Variants in LDLRAD4 observed in about 807,000 individuals in gnomAD.
The protein encoded by LDLRAD4 is low density lipoprotein receptor class A domain containing 4.
In LDLRAD4, 5 loss-of-function variants were observed where a neutral mutation model predicts 17.0. The observed-to-expected ratio is 0.29, with a 90% CI of 0.15 to 0.62. The LOEUF is 0.62. Ranked by LOEUF, LDLRAD4 falls within the 20% of genes least tolerant of loss-of-function variation. The pLI is 0.84. For synonymous variants in LDLRAD4, 168 were observed against 171.8 expected, an observed-to-expected ratio of 0.98 and a Z score of 0.17; for missense variants, 340 against 424.7, an observed-to-expected ratio of 0.80 and a Z score of 1.75.
At position 13,303,459 on chromosome 18, in the gene LDLRAD4, CG is replaced by C. The variant is rs939261395; in HGVS notation, c.-383+25272del. 1.1e-4 allele frequency among the ~76,000 whole-genome samples: 17 copies of C among 152,102 alleles called. No individual in the cohort carries two copies. In the South Asian group the frequency reaches 2.7e-3, roughly 24 times the overall value. ...CTCTCGCTCTTTCTCTCTCTCTCCC[CG>C]TTTCCTTCCCTGCCCTCCTTCTCTC... On this transcript the variant is annotated intron_variant, in intron 1 of 5. Coordinates refer to ENST00000359446, the Ensembl canonical transcript of LDLRAD4.
At chr18:13,416,393 A>G (rs2088894073) in intron 2 of LDLRAD4, among the ~76,000 whole-genome samples, 1 of 152,128 alleles carries the variant, frequency 6.6e-6, no homozygotes, top group South Asian at 2.1e-4. Flanking sequence ...TCCTTTTCCA[A>G]CAATAACAGG....
chr18:13,523,094 G>A (rs1179973510), intron 3 of LDLRAD4, among the ~76,000 whole-genome samples: 1 of 152,168 alleles, frequency 6.6e-6, no homozygotes, highest in Admixed American at 6.5e-5. Flanking sequence ...TGCCCCCACT[G>A]TGTGCGAGGC....
chr18:13,566,169 G>A (rs1006787306), intron 3 of LDLRAD4, among the ~76,000 whole-genome samples: 4 of 152,170 alleles, frequency 2.6e-5, no homozygotes, highest in Non-Finnish European at 5.9e-5. Context: ...CAAGACTAAC[G>A]GGCAGCCAAT....
rs1225644875 is a variant in LDLRAD4, at chr18:13,621,533, G to A, written c.336+262G>A. Among the ~76,000 whole-genome samples the A allele has an allele frequency of 1.3e-5, 2 of 152,214 alleles. No homozygotes were observed. Among genetic ancestry groups the A allele is most frequent in the South Asian group, 2.1e-4 (1 of 4,832 alleles). On this transcript the variant is annotated intron_variant, in intron 4 of 5. Transcript: ENST00000359446. The surrounding 1 kb of genome is among the most constrained non-coding windows in gnomAD (Gnocchi z 5.5). ...CTCCCCTGGATCTTTGCTGCCCGAC[G>A]TGGCTTTGCCAGCTTCTGAGCTGTG...
At chr18:13,589,419 A>G (rs986777028) in intron 3 of LDLRAD4, among the ~76,000 whole-genome samples, 1 of 152,154 alleles carries the variant, frequency 6.6e-6, no homozygotes, top group Non-Finnish European at 1.5e-5. Flanking sequence ...TTCGTTTGCA[A>G]ATCCTCCGTG....
At chr18:13,467,250 C>T (rs971289842) in intron 3 of LDLRAD4, among the ~76,000 whole-genome samples, 1 of 152,092 alleles carries the variant, frequency 6.6e-6, no homozygotes, top group African/African-American at 2.4e-5. Flanking sequence ...AGAGTATCTC[C>T]GAGATGCCAC....
chr18:13,441,960 GT>G (rs935411340), intron 3 of LDLRAD4, among the ~76,000 whole-genome samples: 1 of 152,174 alleles, frequency 6.6e-6, no homozygotes, highest in Admixed American at 6.5e-5. Flanking sequence ...TGGGGAATGA[GT>G]TTTCCTGGCT....
intron 3 of LDLRAD4, among the ~76,000 whole-genome samples, chr18:13,556,112 C>T (rs1346797742): frequency 6.6e-6 from 1 of 152,156 alleles, no homozygotes; most frequent in Non-Finnish European, 1.5e-5. Context: ...TCTACAGCTT[C>T]AGTGTATGTT....
intron 2 of LDLRAD4, among the ~76,000 whole-genome samples, chr18:13,407,686 G>A (rs1025216201): frequency 1.3e-5 from 2 of 152,230 alleles, no homozygotes; most frequent in African/African-American, 2.4e-5. Flanking sequence ...AATGGTGGGC[G>A]TGGACCTGGC....
chr18:13,635,968 T>TGTGTGTGTGTGTGTGA (rs1344178358), intron 4 of LDLRAD4, among the ~76,000 whole-genome samples: 187 of 147,948 alleles, frequency 1.3e-3, no homozygotes, highest in African/African-American at 4.5e-3. Context: ...TGTGTGTGTG[T>TGTGTGTGTGTGTGTGA]GATTGTGCCT....
At chr18:13,336,189 T>G (rs1272129652) in intron 1 of LDLRAD4, among the ~76,000 whole-genome samples, 1 of 152,204 alleles carries the variant, frequency 6.6e-6, no homozygotes, top group African/African-American at 2.4e-5. Context: ...AATCTATTCA[T>G]GAGATTCCAA....
chr18:13,247,808 G>T (rs186866806), intron 1 of LDLRAD4, among the ~76,000 whole-genome samples: 4 of 151,998 alleles, frequency 2.6e-5, no homozygotes, highest in African/African-American at 9.7e-5. Context: ...AGCTTTCCCC[G>T]ATTTCTGCCA....
chr18:13,515,202 G>A (rs1221541500), intron 3 of LDLRAD4: 1 of 152,200 alleles, frequency 6.6e-6, no homozygotes, highest in East Asian at 1.9e-4. Context: ...GCACAACACT[G>A]GCGTGCATTC....
chr18:13,470,395 T>C (rs1038425928), intron 3 of LDLRAD4, among the ~76,000 whole-genome samples: 1 of 151,868 alleles, frequency 6.6e-6, no homozygotes, highest in African/African-American at 2.4e-5. Context: ...AAAATCATAC[T>C]GTCAGGTTGA....
chr18:13,270,992 C>T (rs895160004), intron 1 of LDLRAD4, among the ~76,000 whole-genome samples: 2 of 152,042 alleles, frequency 1.3e-5, no homozygotes, highest in African/African-American at 2.4e-5. Context: ...TGTGAAAGTA[C>T]ACAGTGACTA....
intron 3 of LDLRAD4, among the ~76,000 whole-genome samples, chr18:13,600,338 C>G (rs575736451): frequency 9.5e-4 from 144 of 152,230 alleles, no homozygotes; most frequent in Admixed American, 1.4e-3. Flanking sequence ...AGGACTTGGA[C>G]TGAAGTGTGC....
At chr18:13,582,370 G>A (rs987861141) in intron 3 of LDLRAD4, among the ~76,000 whole-genome samples, 1 of 152,272 alleles carries the variant, frequency 6.6e-6, no homozygotes, top group African/African-American at 2.4e-5. Flanking sequence ...CATGGTAGCT[G>A]CGCCATCAAT....
Position 13,452,647 on chromosome 18 carries a change from C to A in LDLRAD4, c.181+14263C>A, listed in dbSNP as rs541447757. 4.1e-4 allele frequency among the ~76,000 whole-genome samples: 62 copies of A among 152,298 alleles called. No homozygotes were observed. In the East Asian group the frequency reaches 8.7e-3, roughly 21 times the overall value. On this transcript the variant is annotated intron_variant, in intron 3 of 5. Transcript: ENST00000359446. ...GGAAAAATACCGACATAGGAGGGAT[C>A]TGCAGTCCTGACAGTCAGCATCTTG... is the stretch of plus-strand genomic sequence containing the variant.
chr18:13,373,492 T>G (rs560497083), intron 1 of LDLRAD4, among the ~76,000 whole-genome samples: 1 of 152,308 alleles, frequency 6.6e-6, no homozygotes, highest in African/African-American at 2.4e-5. Flanking sequence ...AAATAATTGA[T>G]TTTTCCTCTT....
Sources: gnomAD v4.1 joint callset for allele counts (sites outside exome capture counted in the v4.1 genomes callset) on GRCh38, gnomAD v4.1.1 for gene constraint, Gnocchi (gnomAD v3.1) non-coding constraint, MANE v1.5 for transcripts, NCBI Gene and HGNC (gene_info 2026-07-23, HGNC 2026-07-21) for gene names.